EIF2B3: variants seen among roughly 807,000 people sequenced by gnomAD.
EIF2B3 encodes the protein translation initiation factor eIF2B subunit gamma.
In EIF2B3, 20 loss-of-function variants were observed where a neutral mutation model predicts 54.1. The ratio of observed to expected loss-of-function variants is 0.37; its 90% confidence interval spans 0.26 to 0.54. The LOEUF (loss-of-function observed/expected upper bound fraction) is 0.54. EIF2B3 is among the 20% of genes least tolerant of loss of function. The pLI is 0.86. For synonymous variants in EIF2B3, 153 were observed against 188.1 expected (o/e 0.81, Z 1.52); for missense variants, 448 against 547.8 (o/e 0.82, Z 1.82).
chr1:44,976,092 C>G (rs1337647899), intron 3 of EIF2B3, among the ~76,000 whole-genome samples: 1 of 152,054 alleles, frequency 6.6e-6, no homozygotes, highest in Non-Finnish European at 1.5e-5. Context: ...AAGCAATAAC[C>G]ATAAAAGAAA....
intron 2 of EIF2B3, among the ~76,000 whole-genome samples, chr1:44,978,751 C>T (rs906446425): frequency 6.0e-5 from 9 of 150,812 alleles, no homozygotes; most frequent in African/African-American, 2.2e-4. Flanking sequence ...ATCCTCCCAC[C>T]TCAGCCTCCC....
At chr1:44,919,349 C>CA (rs35094486) in intron 5 of EIF2B3, among the ~76,000 whole-genome samples, 1,950 of 126,256 alleles carry the variant, frequency 0.015, 36 homozygotes, top group African/African-American at 0.037. Context: ...GACTCCCTCT[C>CA]AAAAAAAAAA....
chr1:44,875,929 C>T (rs1394825689), intron 8 of EIF2B3, among the ~76,000 whole-genome samples: 8 of 152,228 alleles, frequency 5.3e-5, no homozygotes, highest in African/African-American at 1.7e-4. Flanking sequence ...CAATTGCAGG[C>T]GCGCGCCGCC....
chr1:44,870,153 C>A (rs1263466840), intron 10 of EIF2B3, among the ~76,000 whole-genome samples: 2 of 146,056 alleles, frequency 1.4e-5, no homozygotes, highest in Non-Finnish European at 1.5e-5. Context: ...GCCCAGGGGA[C>A]AAAGAGAGAC....
intron 5 of EIF2B3, among the ~76,000 whole-genome samples, chr1:44,918,720 G>C (rs1569721803): frequency 6.6e-6 from 1 of 152,200 alleles, no homozygotes; most frequent in Non-Finnish European, 1.5e-5. Flanking sequence ...TATTTTTCAG[G>C]TTTTCCATTT....
chr1:44,927,848 T>C (rs546158508), intron 4 of EIF2B3, among the ~76,000 whole-genome samples: 78 of 152,118 alleles, frequency 5.1e-4, no homozygotes, highest in Non-Finnish European at 8.7e-4. Context: ...ATGCATTATA[T>C]ATATTGAATA....
At chr1:44,951,513 G>A (rs1007161388) in intron 3 of EIF2B3, among the ~76,000 whole-genome samples, 7 of 152,102 alleles carry the variant, frequency 4.6e-5, no homozygotes, top group Admixed American at 3.9e-4. Context: ...ATACATCACT[G>A]TCTTCCTTAC....
Position 44,902,944 on chromosome 1 carries a change from A to G in EIF2B3, c.567-5500T>C, listed in dbSNP as rs796722842. On this transcript the variant is annotated intron_variant, in intron 5 of 11. Transcript: ENST00000360403. Reference sequence around the variant, plus strand: ...AAGAACCAAGCTGTACCCGTGTTTCAATATTTATTTACCCAAGTTTGTTCC... The same window carrying G: ...AAGAACCAAGCTGTACCCGTGTTTCGATATTTATTTACCCAAGTTTGTTCC... Among the ~76,000 whole-genome samples the G allele has an allele frequency of 2.8e-4, 43 of 151,482 alleles. 1 individual carries two copies. Among genetic ancestry groups the G allele is most frequent in the African/African-American group, 9.9e-4 (41 of 41,346 alleles).
chr1:44,972,820 C>T (rs2148961279), intron 3 of EIF2B3, among the ~76,000 whole-genome samples: 1 of 152,164 alleles, frequency 6.6e-6, no homozygotes, highest in Non-Finnish European at 1.5e-5. Flanking sequence ...GTGTGTGTCA[C>T]CATGCGTGGC....
chr1:44,937,653 G>A (rs1328253391), intron 4 of EIF2B3, among the ~76,000 whole-genome samples: 1 of 151,846 alleles, frequency 6.6e-6, no homozygotes, highest in Non-Finnish European at 1.5e-5. Flanking sequence ...GGAGGCCGAG[G>A]CGGGCGGATC....
chr1:44,910,875 G>A (rs560485647), intron 5 of EIF2B3, among the ~76,000 whole-genome samples: 2 of 151,690 alleles, frequency 1.3e-5, no homozygotes, highest in Non-Finnish European at 2.9e-5. Flanking sequence ...CATAGGTTTT[G>A]GGGGAACAGG....
chr1:44,885,248 A>C (rs890517177), intron 6 of EIF2B3, among the ~76,000 whole-genome samples: 2 of 152,216 alleles, frequency 1.3e-5, no homozygotes, highest in Non-Finnish European at 2.9e-5. Context: ...AATCCCACCA[A>C]ATAAAAAGAC....
At position 44,894,381 on chromosome 1, in the gene EIF2B3, G is replaced by C. The variant is rs563149801; in HGVS notation, c.656+2974C>G. On this transcript the variant is annotated intron_variant, in intron 6 of 11. Transcript: ENST00000360403. ...AGCTCTCCCTGTAGCTTTTCTGCTTGGTCAACTGTAGAAACCCACCTCTCT... is the reference window on the plus strand; with the variant it reads ...AGCTCTCCCTGTAGCTTTTCTGCTTCGTCAACTGTAGAAACCCACCTCTCT... Among the ~76,000 whole-genome samples, 16 of 152,034 alleles carry C rather than the reference G, an allele frequency of 1.1e-4. 1 individual carries two copies. The South Asian group carries it at 3.3e-3, about 32-fold the overall frequency.
At chr1:44,874,011 T>C (rs1655044585) in intron 10 of EIF2B3, among the ~76,000 whole-genome samples, 1 of 150,690 alleles carries the variant, frequency 6.6e-6, no homozygotes, top group African/African-American at 2.5e-5. Flanking sequence ...ATACTTACCG[T>C]TTCAGCATCC....
chr1:44,897,712 C>T (rs1389456501), intron 5 of EIF2B3, among the ~76,000 whole-genome samples: 1 of 150,878 alleles, frequency 6.6e-6, no homozygotes, highest in Non-Finnish European at 1.5e-5. Flanking sequence ...CACTGATAAT[C>T]TACCTTCTTC....
intron 5 of EIF2B3, among the ~76,000 whole-genome samples, chr1:44,904,748 C>T (rs1406306613): frequency 1.3e-5 from 2 of 152,056 alleles, no homozygotes; most frequent in African/African-American, 2.4e-5. Context: ...CTCCTGACCT[C>T]GTGATCTGCC....
Position 44,850,789 on chromosome 1 carries a change from C to G in EIF2B3, c.*162G>C, listed in dbSNP as rs1038732567. On this transcript the variant is annotated 3_prime_UTR_variant, in exon 12 of 12. Transcript: ENST00000360403. ...GACACATGAACATACACTGTGTACA[C>G]CTGGAGCCCACCTGACATGGAGCTT... is the stretch of plus-strand genomic sequence containing the variant. 2.7e-5 allele frequency: 20 copies of G among 733,662 alleles called. No individual in the cohort carries two copies. In the African/African-American group the frequency reaches 3.5e-4, roughly 13 times the overall value. 45.4% of individuals were successfully genotyped at this position (733,662 alleles called of 1,614,324 possible). A position where few individuals can be genotyped will look rare whatever the true frequency, so the allele number is the denominator to read the frequency against.
intron 8 of EIF2B3, among the ~76,000 whole-genome samples, 179 bp from the exon 9 acceptor site, chr1:44,875,874 C>G (rs2148901905): frequency 6.6e-6 from 1 of 152,338 alleles, no homozygotes; most frequent in African/African-American, 2.4e-5. Context: ...CGGCTCACTG[C>G]AACCTCCCTG....
intron 5 of EIF2B3, among the ~76,000 whole-genome samples, chr1:44,915,437 C>T (rs1297063035): frequency 6.6e-6 from 1 of 152,132 alleles, no homozygotes; most frequent in Non-Finnish European, 1.5e-5. Flanking sequence ...TGAAAGTTCA[C>T]TGCAGCCTTG....
Sources: gnomAD v4.1 joint callset for allele counts (sites outside exome capture counted in the v4.1 genomes callset) on GRCh38, gnomAD v4.1.1 for gene constraint, MANE v1.5 for transcripts, NCBI Gene and HGNC (gene_info 2026-07-23, HGNC 2026-07-21) for gene names.